HSF2BP: variants seen among roughly 807,000 people sequenced by gnomAD.
HSF2BP encodes heat shock transcription factor 2 binding protein, also known as heat shock factor 2-binding protein.
In HSF2BP, 35 loss-of-function variants were observed where a neutral mutation model predicts 35.0. The ratio of observed to expected loss-of-function variants is 1.00; its 90% CI spans 0.76 to 1.32. The LOEUF is 1.32. HSF2BP is among the 40% of genes most tolerant of loss of function. HSF2BP has a pLI of 0.00. For missense variants in HSF2BP, 326 were observed against 321.7 expected (o/e 1.01, Z -0.10); for synonymous variants, 114 against 117.4 (o/e 0.97, Z 0.18).
intron 4 of HSF2BP, among the ~76,000 whole-genome samples, chr21:43,640,380 T>C (rs1013170558): frequency 6.6e-6 from 1 of 152,204 alleles, no homozygotes; most frequent in Non-Finnish European, 1.5e-5. Flanking sequence ...GAAAATGTAT[T>C]AGTGATTGCC....
At chr21:43,575,400 T>C (rs1481420079) in intron 8 of HSF2BP, among the ~76,000 whole-genome samples, 1 of 152,198 alleles carries the variant, frequency 6.6e-6, no homozygotes, top group Non-Finnish European at 1.5e-5. Context: ...TCAGACTCCC[T>C]TTAAAAACTT....
At chr21:43,632,134 C>T (rs1159444710) in intron 5 of HSF2BP, among the ~76,000 whole-genome samples, 6 of 61,890 alleles carry the variant, frequency 9.7e-5, no homozygotes, top group South Asian at 6.5e-4. Context: ...AACACACACA[C>T]GCTCCCACAC....
intron 6 of HSF2BP, among the ~76,000 whole-genome samples, chr21:43,625,839 C>T (rs572877032): frequency 8.5e-5 from 13 of 152,168 alleles, no homozygotes; most frequent in Non-Finnish European, 1.9e-4. Flanking sequence ...GGAAAACAGC[C>T]GCGCTGAGCT....
At chr21:43,633,229 G>A (rs2082505751) in intron 5 of HSF2BP, 43 bp downstream of exon 5, 1 of 1,579,692 alleles carries the variant, frequency 6.3e-7, no homozygotes, top group Admixed American at 1.9e-5. Context: ...ATTTACACAA[G>A]CAGTAATCAA....
rs139061170 is a variant in HSF2BP, at chr21:43,601,529, C to T, written c.693-9201G>A. ...CAAATAAGCAAATTACTTAGCTATACCTGTTTTTTCTTAAAATGTACACAG... is the reference window on the plus strand; with the variant it reads ...CAAATAAGCAAATTACTTAGCTATATCTGTTTTTTCTTAAAATGTACACAG... On this transcript the variant is annotated intron_variant, in intron 7 of 8. Coordinates refer to ENST00000291560, the MANE Select transcript of HSF2BP (RefSeq NM_007031.2). Among the ~76,000 whole-genome samples the T allele has an allele frequency of 5.3e-3, 801 of 152,162 alleles. 2 individuals are homozygous for T. Among genetic ancestry groups the T allele is most frequent in the South Asian group, 0.013 (61 of 4,818 alleles).
chr21:43,584,514 T>C (rs959453533), intron 8 of HSF2BP, among the ~76,000 whole-genome samples: 7 of 152,206 alleles, frequency 4.6e-5, no homozygotes, highest in African/African-American at 1.7e-4. Context: ...GGTTCAAATG[T>C]TAATCTTATC....
intron 7 of HSF2BP, among the ~76,000 whole-genome samples, chr21:43,609,066 A>G (rs1601661048): frequency 6.6e-6 from 1 of 152,260 alleles, no homozygotes; most frequent in Non-Finnish European, 1.5e-5. Flanking sequence ...TGTGGTACAT[A>G]CAAGCCATGG....
intron 4 of HSF2BP, among the ~76,000 whole-genome samples, chr21:43,637,908 A>G (rs556695602): frequency 1.3e-5 from 2 of 152,312 alleles, no homozygotes; most frequent in East Asian, 1.9e-4. Context: ...AGCTAAAATC[A>G]TAATTAACGC....
At chr21:43,578,613 G>A (rs1290227065) in intron 8 of HSF2BP, among the ~76,000 whole-genome samples, 2 of 152,232 alleles carry the variant, frequency 1.3e-5, no homozygotes, top group East Asian at 1.9e-4. Context: ...CACCCTCATC[G>A]CTCTCTCATG....
At chr21:43,613,399 A>C (rs1460328964) in intron 7 of HSF2BP, among the ~76,000 whole-genome samples, 1 of 152,148 alleles carries the variant, frequency 6.6e-6, no homozygotes, top group Non-Finnish European at 1.5e-5. Context: ...AAAACACCTC[A>C]CTTTTGACCT....
At chr21:43,646,293 A>T (rs937852393) in intron 3 of HSF2BP, among the ~76,000 whole-genome samples, 1 of 152,204 alleles carries the variant, frequency 6.6e-6, no homozygotes, top group African/African-American at 2.4e-5. Context: ...ATTTTATCCT[A>T]ATCCCAGCCA....
intron 2 of HSF2BP, chr21:43,657,814 C>T: frequency 1.0e-6 from 1 of 984,742 alleles, no homozygotes; most frequent in Non-Finnish European, 1.2e-6. Flanking sequence ...GCTTTGGCGC[C>T]ACTGAGTGCC....
chr21:43,599,991 C>A (rs2082032769), intron 7 of HSF2BP, among the ~76,000 whole-genome samples: 1 of 152,006 alleles, frequency 6.6e-6, no homozygotes, highest in Non-Finnish European at 1.5e-5. Flanking sequence ...TCTTGATCAT[C>A]TAAGACACAT....
chr21:43,658,980 G>T (rs953977017), intron 1 of HSF2BP, among the ~76,000 whole-genome samples: 1 of 152,182 alleles, frequency 6.6e-6, no homozygotes. Context: ...CTGGCTCAAC[G>T]AGGTGTGCTA....
chr21:43,634,824 CA>C (rs2082530277), intron 4 of HSF2BP, among the ~76,000 whole-genome samples: 1 of 152,202 alleles, frequency 6.6e-6, no homozygotes. Context: ...TTCATCCTTT[CA>C]GTGTACGTAG....
At chr21:43,593,206 A>C (rs2081948056) in intron 7 of HSF2BP, among the ~76,000 whole-genome samples, 1 of 152,194 alleles carries the variant, frequency 6.6e-6, no homozygotes, top group Non-Finnish European at 1.5e-5. Context: ...AGAGACACGG[A>C]CATTCATTTC....
At chr21:43,639,132 C>A (rs2082603367) in intron 4 of HSF2BP, among the ~76,000 whole-genome samples, 1 of 152,132 alleles carries the variant, frequency 6.6e-6, no homozygotes, top group African/African-American at 2.4e-5. Context: ...AATCCTCATA[C>A]CTTCTACAAA....
intron 8 of HSF2BP, among the ~76,000 whole-genome samples, chr21:43,572,185 G>A (rs1036590848): frequency 2.0e-5 from 3 of 152,158 alleles, no homozygotes; most frequent in African/African-American, 7.2e-5. Context: ...AACACAGGGC[G>A]AGCCCCAGGG....
intron 5 of HSF2BP, among the ~76,000 whole-genome samples, chr21:43,633,043 A>G (rs1303341233): frequency 6.6e-6 from 1 of 152,230 alleles, no homozygotes; most frequent in African/African-American, 2.4e-5. Context: ...AAGTGGTAAT[A>G]TGTCCACATA....
Sources: allele counts gnomAD v4.1 joint callset (sites outside exome capture counted in the v4.1 genomes callset), GRCh38; gene constraint gnomAD v4.1.1; transcripts MANE v1.5; gene names NCBI Gene and HGNC (gene_info 2026-07-23, HGNC 2026-07-21).